The following NGEF variants were observed in gnomAD, a reference collection of about 807,000 sequenced individuals.
NGEF encodes neuronal guanine nucleotide exchange factor, also known as ephexin-1.
A neutral mutation model predicts 80.9 loss-of-function variants in NGEF; 31 were observed. The observed-to-expected ratio is 0.38, with a 90% CI of 0.29 to 0.52. The LOEUF (loss-of-function observed/expected upper bound fraction) is 0.52, where lower values mean the gene tolerates loss of function less well. NGEF is among the 20% of genes least tolerant of loss of function. NGEF has a pLI of 0.84. For synonymous variants in NGEF, 371 were observed against 370.2 expected (o/e 1.00, Z -0.03); for missense variants, 709 against 926.2 (o/e 0.77, Z 3.04).
At chr2:232,949,523 G>A (rs537448712) in intron 3 of NGEF, among the ~76,000 whole-genome samples, 1 of 150,250 alleles carries the variant, frequency 6.7e-6, no homozygotes, top group African/African-American at 2.4e-5. Context: ...TGTTGCCCAA[G>A]CTGGAGTGCA....
chr2:232,907,624 G>C (rs1008079867), intron 5 of NGEF, among the ~76,000 whole-genome samples: 1 of 152,008 alleles, frequency 6.6e-6, no homozygotes, highest in South Asian at 2.1e-4. Context: ...AGTTAGGTCA[G>C]CCTCATTTAT....
At chr2:233,009,306 T>C (rs372590862) in intron 1 of NGEF, among the ~76,000 whole-genome samples, 1 of 152,146 alleles carries the variant, frequency 6.6e-6, no homozygotes, top group Admixed American at 6.6e-5. Context: ...TTTATCTCAT[T>C]TGACATAATG....
chr2:232,881,347 A>G (rs1252483278), intron 13 of NGEF, 97 bp from the exon 14 acceptor site: 1 of 871,758 alleles, frequency 1.1e-6, no homozygotes, highest in Non-Finnish European at 1.8e-6. Flanking sequence ...GAATAGGAAA[A>G]CTCCCACAGC....
At chr2:232,968,868 C>T (rs1382431730) in intron 3 of NGEF, among the ~76,000 whole-genome samples, 2 of 152,148 alleles carry the variant, frequency 1.3e-5, no homozygotes, top group Non-Finnish European at 2.9e-5. Flanking sequence ...ACGCCCTTCC[C>T]TGGCTGGCTT....
chr2:232,906,333 T>G (rs1575008132), intron 5 of NGEF, among the ~76,000 whole-genome samples: 1 of 44,808 alleles, frequency 2.2e-5, no homozygotes, highest in African/African-American at 1.0e-4. Context: ...CCACCCCGTG[T>G]GGGAGGGAGG....
chr2:232,888,312 G>A (rs1002707649), intron 8 of NGEF, among the ~76,000 whole-genome samples: 11 of 150,440 alleles, frequency 7.3e-5, no homozygotes, highest in South Asian at 2.1e-4. Flanking sequence ...ATACATGCTC[G>A]CACACACATG....
chr2:232,969,667 C>G (rs867776921), intron 3 of NGEF, among the ~76,000 whole-genome samples: 1 of 151,864 alleles, frequency 6.6e-6, no homozygotes, highest in African/African-American at 2.4e-5. Flanking sequence ...TGCCACCACA[C>G]CTGGCTAATT....
intron 3 of NGEF, among the ~76,000 whole-genome samples, chr2:232,933,013 G>A (rs1364940756): frequency 1.3e-5 from 2 of 151,972 alleles, no homozygotes; most frequent in Non-Finnish European, 2.9e-5. Context: ...GGAGGCTGAG[G>A]CAGGAGAATC....
intron 3 of NGEF, among the ~76,000 whole-genome samples, chr2:232,939,114 G>C (rs1383487134): frequency 6.8e-6 from 1 of 147,764 alleles, no homozygotes; most frequent in Non-Finnish European, 1.5e-5. Context: ...GGATGAAGAG[G>C]TTGCAGTGAG....
chr2:232,965,346 G>A (rs1694035055), intron 3 of NGEF, among the ~76,000 whole-genome samples: 1 of 152,176 alleles, frequency 6.6e-6, no homozygotes, highest in African/African-American at 2.4e-5. Context: ...AAGAAATTGG[G>A]AAGGTGACTA....
chr2:233,008,790 C>A (rs1695141859), intron 1 of NGEF, among the ~76,000 whole-genome samples: 1 of 151,576 alleles, frequency 6.6e-6, no homozygotes, highest in African/African-American at 2.4e-5. Context: ...AAAACTTTAC[C>A]ATCTGCATCT....
rs552824071 is a variant in NGEF, at chr2:233,010,665, C to A, written c.-75+2403G>T. On this transcript the variant is annotated intron_variant, in intron 1 of 14. Transcript: ENST00000264051. Reference sequence around the variant, plus strand: ...CCAGGCTCCCAGGTCCTTAATCAACCACCTGAGCTAGTTTCCCAAAAGCAG... The same window carrying A: ...CCAGGCTCCCAGGTCCTTAATCAACAACCTGAGCTAGTTTCCCAAAAGCAG... Among the ~76,000 whole-genome samples, 5 of 152,280 alleles carry A rather than the reference C, an allele frequency of 3.3e-5. No homozygotes were observed. In the East Asian group the frequency reaches 9.6e-4, roughly 29 times the overall value.
At chr2:232,885,049 C>G (rs2106216487) in intron 10 of NGEF, 1 of 552,204 alleles carries the variant, frequency 1.8e-6, no homozygotes, top group East Asian at 3.1e-5. Context: ...CGCACACTAG[C>G]CCCGCACTCC....
chr2:232,881,257 G>A lies in NGEF; in HGVS notation c.1838-7C>T, dbSNP rs1691494441. The stretch of plus-strand genomic sequence containing the variant: ...CACTGGACCTGGGGGCAGTCTGAGG[G>A]ACAAGAGGCACGGGCACATCCCCAC... On this transcript the variant is annotated splice_region_variant and splice_polypyrimidine_tract_variant and intron_variant, in intron 13 of 14. Transcript: ENST00000264051. The A allele has an allele frequency of 6.2e-7, 1 of 1,603,682 alleles. No homozygotes were observed. Among genetic ancestry groups the A allele is most frequent in the African/African-American group, 1.3e-5 (1 of 74,874 alleles).
intron 3 of NGEF, among the ~76,000 whole-genome samples, chr2:232,929,209 C>T (rs963505919): frequency 5.9e-5 from 9 of 152,216 alleles, no homozygotes; most frequent in Admixed American, 2.6e-4. Flanking sequence ...CTCCAACCCA[C>T]CCGGCATTTG....
At chr2:232,948,274 G>A (rs1485883145) in intron 3 of NGEF, among the ~76,000 whole-genome samples, 3 of 151,792 alleles carry the variant, frequency 2.0e-5, no homozygotes, top group African/African-American at 4.8e-5. Context: ...TGCAACCCCC[G>A]CCTTCTGGGT....
intron 1 of NGEF, among the ~76,000 whole-genome samples, chr2:232,993,179 TAA>T (rs1259361433): frequency 7.5e-6 from 1 of 133,826 alleles, no homozygotes; most frequent in African/African-American, 2.8e-5. Flanking sequence ...TATATATAAA[TAA>T]ATATATATAT....
At chr2:232,962,941 A>G (rs1217624682) in intron 3 of NGEF, among the ~76,000 whole-genome samples, 2 of 152,092 alleles carry the variant, frequency 1.3e-5, no homozygotes, top group East Asian at 3.9e-4. Flanking sequence ...TGGAATGACT[A>G]AGTCAAGCTA....
At chr2:232,976,883 C>G (rs1323587961) in intron 1 of NGEF, among the ~76,000 whole-genome samples, 1 of 152,168 alleles carries the variant, frequency 6.6e-6, no homozygotes, top group Non-Finnish European at 1.5e-5. Context: ...GGAGTGTGCA[C>G]TATGGGGTCG....
Sources: gnomAD v4.1 joint callset for allele counts (sites outside exome capture counted in the v4.1 genomes callset) on GRCh38, gnomAD v4.1.1 for gene constraint, MANE v1.5 for transcripts, NCBI Gene and HGNC (gene_info 2026-07-23, HGNC 2026-07-21) for gene names.